Variants in MAPRE2 observed in about 807,000 individuals in gnomAD.
MAPRE2 encodes microtubule-associated protein RP/EB family member 2.
MAPRE2 carries 13 observed loss-of-function variants against 43.2 expected under a neutral mutation model. The ratio of observed to expected loss-of-function variants is 0.30; its 90% confidence interval spans 0.20 to 0.48. MAPRE2 has a LOEUF of 0.48. Ranked by LOEUF, MAPRE2 falls within the 20% of genes least tolerant of loss-of-function variation. MAPRE2 has a pLI of 0.99. For missense variants in MAPRE2, 161 were observed against 400.2 expected (o/e 0.40, Z 5.10); for synonymous variants, 135 against 148.8 (o/e 0.91, Z 0.68).
chr18:35,100,299 T>TTTTG (rs1908615983), intron 3 of MAPRE2, among the ~76,000 whole-genome samples: 3 of 152,220 alleles, frequency 2.0e-5, no homozygotes, highest in African/African-American at 7.2e-5. Context: ...GAATGGCTAT[T>TTTTG]ACTAAAAAGT....
intron 4 of MAPRE2, among the ~76,000 whole-genome samples, chr18:35,106,253 T>G (rs752605107): frequency 1.3e-5 from 2 of 152,028 alleles, no homozygotes; most frequent in Non-Finnish European, 2.9e-5. Context: ...AAACAGGTGA[T>G]AGTCCTTAAT....
chr18:35,053,639 C>T (rs1302595332), intron 1 of MAPRE2, among the ~76,000 whole-genome samples: 3 of 152,048 alleles, frequency 2.0e-5, no homozygotes, highest in Non-Finnish European at 4.4e-5. Flanking sequence ...TTGCTAGATT[C>T]CACTATTAAA....
rs140285365 is a variant in MAPRE2, at chr18:35,136,203, G to A, written c.909+4013G>A. Among the ~76,000 whole-genome samples the A allele has an allele frequency of 1.6e-3, 239 of 152,280 alleles. 2 individuals are homozygous for A. The highest frequency in any genetic ancestry group is 4.8e-3 in the African/African-American group (199 of 41,524). ...TTCTCATTATGTTTTCCCCTGATAC[G>A]TAACTTGGAGCCACAGGAGTCTGGG... On this transcript the variant is annotated intron_variant, in intron 6 of 6. Coordinates refer to ENST00000300249, the MANE Select transcript of MAPRE2 (RefSeq NM_014268.4).
intron 5 of MAPRE2, among the ~76,000 whole-genome samples, chr18:35,128,589 C>T (rs748924866): frequency 6.6e-5 from 10 of 152,174 alleles, no homozygotes; most frequent in East Asian, 1.9e-4. Context: ...GGAGTATGTG[C>T]GTAGGTTGTA....
At chr18:34,990,265 G>A (rs75924882) in intron 1 of MAPRE2, among the ~76,000 whole-genome samples, 3,361 of 152,224 alleles carry the variant, frequency 0.022, 59 homozygotes, top group Non-Finnish European at 0.035. Flanking sequence ...ACTTCTGGAA[G>A]TCCACTGCCA....
At chr18:35,035,368 G>C (rs529879544) in intron 2 of MAPRE2, among the ~76,000 whole-genome samples, 3 of 151,490 alleles carry the variant, frequency 2.0e-5, no homozygotes, top group Non-Finnish European at 2.9e-5. Context: ...GTTGTGGGGT[G>C]GGGGGAGAGG....
chr18:35,132,261 C>A, intron 6 of MAPRE2, 71 bp downstream of exon 6: 1 of 1,445,406 alleles, frequency 6.9e-7, no homozygotes, highest in Non-Finnish European at 9.6e-7. Flanking sequence ...TAGATCAGCA[C>A]TCCTTAGAAT....
chr18:34,984,024 G>A (rs936511464), intron 1 of MAPRE2, among the ~76,000 whole-genome samples: 3 of 152,176 alleles, frequency 2.0e-5, no homozygotes, highest in Non-Finnish European at 2.9e-5. Context: ...GGATATACAC[G>A]GTTACTAACA....
chr18:35,065,297 CAA>C (rs1198027220), intron 1 of MAPRE2, among the ~76,000 whole-genome samples: 4 of 84,626 alleles, frequency 4.7e-5, no homozygotes, highest in African/African-American at 9.0e-5. Context: ...GACTCTGTCT[CAA>C]AAAAAAAAAA....
rs549501716 is a variant in MAPRE2, at chr18:35,002,328, T to C, written c.-69-3164T>C. On this transcript the variant is annotated intron_variant, in intron 1 of 7. Transcript: ENST00000413393. ...AAGTTTGGATGCAGCACGGTTTGTT[T>C]AACCATTAACCTGTTGAAAGATACC... Among the ~76,000 whole-genome samples, 3 of 152,362 alleles carry C rather than the reference T, an allele frequency of 2.0e-5. No homozygotes were observed. In the South Asian group the frequency reaches 6.2e-4, roughly 32 times the overall value.
chr18:35,005,833 G>A (rs1053886229), intron 2 of MAPRE2, among the ~76,000 whole-genome samples: 1 of 151,916 alleles, frequency 6.6e-6, no homozygotes, highest in South Asian at 2.1e-4. Context: ...AGGTGGGGAG[G>A]GTAGAATATC....
At chr18:35,061,868 TAAAG>T (rs1906549773) in intron 1 of MAPRE2, among the ~76,000 whole-genome samples, 2 of 152,192 alleles carry the variant, frequency 1.3e-5, no homozygotes, top group South Asian at 4.1e-4. Context: ...AGGTCACAAA[TAAAG>T]AGAAAGTGAT....
At chr18:35,043,488 G>A (rs1312014967) in intron 1 of MAPRE2, among the ~76,000 whole-genome samples, 1 of 152,154 alleles carries the variant, frequency 6.6e-6, no homozygotes, top group Non-Finnish European at 1.5e-5. Flanking sequence ...TTTGGTGACA[G>A]ATTATTGCTT....
chr18:35,018,806 G>T (rs773229963), intron 2 of MAPRE2, among the ~76,000 whole-genome samples: 18 of 151,688 alleles, frequency 1.2e-4, no homozygotes, highest in Non-Finnish European at 1.9e-4. Flanking sequence ...ATGGATTTTT[G>T]GGTCTCAATT....
At chr18:34,985,154 A>T (rs1434851877) in intron 1 of MAPRE2, among the ~76,000 whole-genome samples, 9 of 80,714 alleles carry the variant, frequency 1.1e-4, no homozygotes, top group African/African-American at 4.6e-4. Flanking sequence ...TATATTTTAT[A>T]ATATATAAAT....
chr18:35,066,958 T>C (rs1906864145), intron 1 of MAPRE2, among the ~76,000 whole-genome samples: 1 of 152,274 alleles, frequency 6.6e-6, no homozygotes, highest in Admixed American at 6.5e-5. Flanking sequence ...TTGTTATTAA[T>C]TTGAAGTAGG....
At chr18:35,002,864 A>G (rs1042421628) in intron 1 of MAPRE2, among the ~76,000 whole-genome samples, 8 of 152,166 alleles carry the variant, frequency 5.3e-5, no homozygotes, top group Non-Finnish European at 8.8e-5. Context: ...TTGTATTTAC[A>G]TCTGCTTCAC....
At chr18:35,007,477 A>G (rs2097032375) in intron 2 of MAPRE2, among the ~76,000 whole-genome samples, 1 of 152,244 alleles carries the variant, frequency 6.6e-6, no homozygotes, top group Non-Finnish European at 1.5e-5. Flanking sequence ...CTTGCTGGTC[A>G]TACAAGTCTC....
chr18:34,978,198 G>A, intron 1 of MAPRE2: 1 of 429,094 alleles, frequency 2.3e-6, no homozygotes, highest in Non-Finnish European at 4.2e-6. Flanking sequence ...TCTATCACTT[G>A]TTCACATCTC....
Sources: allele counts gnomAD v4.1 joint callset (sites outside exome capture counted in the v4.1 genomes callset), GRCh38; gene constraint gnomAD v4.1.1; transcripts MANE v1.5; gene names NCBI Gene and HGNC (gene_info 2026-07-23, HGNC 2026-07-21).